The following PSMD5 variants were observed in gnomAD, a reference collection of about 807,000 sequenced individuals.
The protein encoded by PSMD5 is 26S proteasome non-ATPase regulatory subunit 5.
A neutral mutation model predicts 52.1 loss-of-function variants in PSMD5; 40 were observed. The observed-to-expected ratio is 0.77, with a 90% confidence interval of 0.60 to 1.00. PSMD5 has a LOEUF of 1.00. Among genes scored for constraint, PSMD5 ranks in the 50% least tolerant of loss-of-function variants. The pLI, the probability that PSMD5 is intolerant of heterozygous loss-of-function variation, is 0.00. For missense variants in PSMD5, 575 were observed against 605.2 expected (o/e 0.95, Z 0.52); for synonymous variants, 211 against 226.6 (o/e 0.93, Z 0.62).
intron 7 of PSMD5, chr9:120,824,239 C>CG: frequency 4.3e-6 from 2 of 462,154 alleles, no homozygotes; most frequent in African/African-American, 4.5e-5. Context: ...AAACAGGAAA[C>CG]AATGTTTGGT....
rs949405599 is a variant in PSMD5 at position 120,817,149 on chromosome 9, C to G, written c.*757G>C. ...AGGAACATAATCTTAATATTCCATACTACTCATTTTTCAAAGAATATATCC... is the reference window on the plus strand; with the variant it reads ...AGGAACATAATCTTAATATTCCATAGTACTCATTTTTCAAAGAATATATCC... On this transcript the variant is annotated 3_prime_UTR_variant, in exon 10 of 10. Coordinates refer to ENST00000210313, the MANE Select transcript of PSMD5 (RefSeq NM_005047.4). 5 of 151,562 alleles carry G rather than the reference C, an allele frequency of 3.3e-5. No individual in the cohort carries two copies. Among genetic ancestry groups the G allele is most frequent in the Non-Finnish European group, 5.9e-5 (4 of 67,968 alleles). The allele number at this position is 151,562 out of a possible 1,614,324, so 9.4% of individuals were successfully genotyped here. A position where few individuals can be genotyped will look rare whatever the true frequency, so the allele number is the denominator to read the frequency against.
chr9:120,824,338 A>G, intron 7 of PSMD5, 156 bp downstream of exon 7: 1 of 709,230 alleles, frequency 1.4e-6, no homozygotes, highest in Non-Finnish European at 2.4e-6. Flanking sequence ...CGTAATAATT[A>G]TTAGATTTTC....
chr9:120,842,775 G>A lies in PSMD5; in HGVS notation c.135C>T (p.Arg45=). 6.2e-7 allele frequency: 1 copy of A among 1,613,124 alleles called. No individual in the cohort carries two copies. The highest frequency in any genetic ancestry group is 8.5e-7 in the Non-Finnish European group (1 of 1,180,006). The change falls in exon 1 of 10, where the codon CGC becomes CGT. Residue 45 remains arginine (R), a synonymous_variant. Coordinates refer to ENST00000210313, the MANE Select transcript of PSMD5 (RefSeq NM_005047.4). ...NELRQQAAEL[R]LGPLFSLLNE... is the part of the protein sequence containing the mutation. The stretch of plus-strand genomic sequence containing the variant: ...TAAGCAGGGAGAAGAGCGGGCCGAG[G>A]CGCAGCTCCGCCGCTTGCTGGCGAA...
At chr9:120,835,629 T>A (rs2045192631) in intron 1 of PSMD5, among the ~76,000 whole-genome samples, 1 of 151,934 alleles carries the variant, frequency 6.6e-6, no homozygotes, top group Non-Finnish European at 1.5e-5. Context: ...TTCAGGAGGC[T>A]GAGGCAGGAG....
intron 6 of PSMD5, chr9:120,824,918 T>C: frequency 2.7e-6 from 1 of 374,448 alleles, no homozygotes; most frequent in South Asian, 8.7e-5. Flanking sequence ...AGTACTGGCA[T>C]ATGCAAGAGG....
At chr9:120,826,231 T>A (rs2045121089) in intron 6 of PSMD5, among the ~76,000 whole-genome samples, 1 of 152,146 alleles carries the variant, frequency 6.6e-6, no homozygotes, top group African/African-American at 2.4e-5. Context: ...CCTGACCTCA[T>A]GATCTGCCTG....
At position 120,824,509 on chromosome 9, in the gene PSMD5, C is replaced by G; in HGVS notation, c.991G>C (p.Val331Leu). ...TCATACCAACCTGTTTTCTGTAAAA[C>G]CTGTTTTCCTTCAACATTGGATCCC... ...ILGSNVEGKQ[V>L]LQKTGTRFER... Residue 331 changes from valine to leucine, a missense_variant, in exon 7 of 10, where the codon GTT (valine) becomes CTT (leucine). Coordinates refer to ENST00000210313, the MANE Select transcript of PSMD5 (RefSeq NM_005047.4). 6.2e-7 allele frequency: 1 copy of G among 1,614,102 alleles called. No homozygotes were observed. The highest frequency in any genetic ancestry group is 8.5e-7 in the Non-Finnish European group (1 of 1,180,018).
intron 1 of PSMD5, among the ~76,000 whole-genome samples, chr9:120,841,595 A>AAAAC (rs767110967): frequency 1.7e-4 from 26 of 151,544 alleles, no homozygotes; most frequent in East Asian, 7.7e-4. Context: ...ACAAACAAAC[A>AAAAC]AAACAAAACA....
chr9:120,835,899 C>G (rs1345955757), intron 1 of PSMD5, among the ~76,000 whole-genome samples: 1 of 152,106 alleles, frequency 6.6e-6, no homozygotes, highest in Non-Finnish European at 1.5e-5. Context: ...ACGCACAGTT[C>G]TGTGGGAATA....
intron 1 of PSMD5, among the ~76,000 whole-genome samples, chr9:120,835,405 A>G (rs1214062222): frequency 6.6e-6 from 1 of 152,220 alleles, no homozygotes; most frequent in Non-Finnish European, 1.5e-5. Flanking sequence ...TTTATATGAA[A>G]TGTCCAGAAT....
intron 6 of PSMD5, 174 bp downstream of exon 6, chr9:120,826,591 G>A: frequency 4.0e-6 from 3 of 744,392 alleles, no homozygotes; most frequent in Non-Finnish European, 6.2e-6. Flanking sequence ...TTAATGTGCT[G>A]TTGAATTTGA....
intron 1 of PSMD5, among the ~76,000 whole-genome samples, chr9:120,838,192 C>T (rs2045211029): frequency 6.6e-6 from 1 of 152,012 alleles, no homozygotes. Context: ...TTAATTGTGG[C>T]GATGGTTTCA....
chr9:120,842,513 C>G (rs375288682), intron 1 of PSMD5: 40 of 588,260 alleles, frequency 6.8e-5, no homozygotes, highest in African/African-American at 5.3e-4. Context: ...TGCTCAGAGG[C>G]AGCGAGGCCA....
rs142816865 is a variant in PSMD5, at chr9:120,820,894, C to T, written c.1202G>A (p.Gly401Asp). ...TTCAGGGAAGGGCTGACTACTAATG[C>T]CACGGAAGAGCTCCAGTGGATCCCG... ...LSRDPLELFR[G>D]ISSQPFPELH... Residue 401 changes from glycine to aspartate, a missense_variant, in exon 9 of 10, where the codon GGC becomes GAC. Physicochemically the swap from Gly to Asp is moderately conservative, Grantham distance 94 (BLOSUM62 -1). Coordinates refer to ENST00000210313, the MANE Select transcript of PSMD5 (RefSeq NM_005047.4). 1 of 1,608,370 alleles carries T rather than the reference C, an allele frequency of 6.2e-7. No individual in the cohort carries two copies. The highest frequency in any genetic ancestry group is 8.5e-7 in the Non-Finnish European group (1 of 1,178,540).
At chr9:120,829,358 T>C (rs2045145130) in intron 4 of PSMD5, 150 bp from the exon 5 acceptor site, 2 of 954,838 alleles carry the variant, frequency 2.1e-6, no homozygotes, top group Non-Finnish European at 2.8e-6. Flanking sequence ...TAGAAAAACT[T>C]CAGTGAACGC....
At position 120,825,311 on chromosome 9, in the gene PSMD5, C is replaced by G. The variant is rs115242917; in HGVS notation, c.815-626G>C. On this transcript the variant is annotated intron_variant, in intron 6 of 9. Coordinates refer to ENST00000210313, the MANE Select transcript of PSMD5 (RefSeq NM_005047.4). ...CAACAGTACGTAGCTCCAAGAGCAA[C>G]AGATTCCACCTCAATAAGAGGCTAT... Among the ~76,000 whole-genome samples the G allele has an allele frequency of 5.5e-3, 845 of 152,286 alleles. 11 individuals carry two copies. Among genetic ancestry groups the G allele is most frequent in the African/African-American group, 0.019 (797 of 41,554 alleles).
intron 5 of PSMD5, among the ~76,000 whole-genome samples, chr9:120,828,808 C>A: frequency 6.6e-6 from 1 of 152,182 alleles, no homozygotes; most frequent in East Asian, 1.9e-4. Flanking sequence ...ATTAGTAATT[C>A]AAAATGGCAG....
Position 120,824,653 on chromosome 9 carries a change from T to C in PSMD5, c.847A>G (p.Met283Val). 1.9e-6 allele frequency: 3 copies of C among 1,604,564 alleles called. No individual in the cohort carries two copies. Among genetic ancestry groups the C allele is most frequent in the Non-Finnish European group, 2.5e-6 (3 of 1,177,026 alleles). Residue 283 changes from methionine to valine, a missense_variant, in exon 7 of 10, where the codon ATG becomes GTG. By Grantham distance (21) the Met-to-Val change is conservative. Coordinates refer to ENST00000210313, the MANE Select transcript of PSMD5 (RefSeq NM_005047.4). ...TCACAGATCTGTTGAGGACTATCCA[T>C]GACAGCCAGGTTTCCAAAAAACTTC... ...FVKFFGNLAV[M>V]DSPQQICERY...
chr9:120,816,991 G>T lies in PSMD5; in HGVS notation c.*915C>A, dbSNP rs2045047270. ...TTCTGATCCCCCAAAACCACAACAG[G>T]GCAAAGTTCATTGGTAAACAGCAAA... is the stretch of plus-strand genomic sequence containing the variant. On this transcript the variant is annotated 3_prime_UTR_variant, in exon 10 of 10. Transcript: ENST00000210313. 1 of 151,642 alleles carries T rather than the reference G, an allele frequency of 6.6e-6. No homozygotes were observed. The highest frequency in any genetic ancestry group is 2.1e-4 in the South Asian group (1 of 4,800). The allele number at this position is 151,642 out of a possible 1,614,324, so 9.4% of individuals were successfully genotyped here.
Sources: allele counts gnomAD v4.1 joint callset (sites outside exome capture counted in the v4.1 genomes callset), GRCh38; gene constraint gnomAD v4.1.1; transcripts MANE v1.5; gene names NCBI Gene and HGNC (gene_info 2026-07-23, HGNC 2026-07-21).